FRMD5: variants seen among roughly 807,000 people sequenced by gnomAD.
The protein encoded by FRMD5 is FERM domain containing 5.
A neutral mutation model predicts 69.0 loss-of-function variants in FRMD5; 20 were observed. The ratio of observed to expected loss-of-function variants is 0.29; its 90% CI spans 0.20 to 0.42. The LOEUF (loss-of-function observed/expected upper bound fraction) is 0.42. FRMD5 is among the 10% of genes least tolerant of loss of function. The pLI, the probability that FRMD5 is intolerant of heterozygous loss-of-function variation, is 1.00. For synonymous variants in FRMD5, 271 were observed against 260.1 expected (o/e 1.04, Z -0.40); for missense variants, 595 against 708.6 (o/e 0.84, Z 1.82).
At chr15:44,039,268 G>T (rs867469282) in intron 1 of FRMD5, among the ~76,000 whole-genome samples, 2 of 152,226 alleles carry the variant, frequency 1.3e-5, no homozygotes, top group Non-Finnish European at 2.9e-5. Flanking sequence ...AAATGTCCTT[G>T]CCTGACAGCT....
At chr15:43,968,398 G>A (rs959576798) in intron 1 of FRMD5, among the ~76,000 whole-genome samples, 6 of 152,048 alleles carry the variant, frequency 3.9e-5, no homozygotes, top group Admixed American at 6.6e-5. Context: ...ATTCCTATTC[G>A]TACCAAGATG....
intron 7 of FRMD5, among the ~76,000 whole-genome samples, chr15:43,900,624 T>G (rs1283869774): frequency 6.6e-6 from 1 of 151,674 alleles, no homozygotes; most frequent in African/African-American, 2.4e-5. Flanking sequence ...TCCTGGTTTT[T>G]TTTTTTTTTT....
chr15:44,032,467 T>C (rs1436552399), intron 1 of FRMD5, among the ~76,000 whole-genome samples: 1 of 152,032 alleles, frequency 6.6e-6, no homozygotes, highest in Non-Finnish European at 1.5e-5. Flanking sequence ...CTGACAAAGG[T>C]GTAATATCCA....
At chr15:43,878,880 T>G (rs1157794476) in intron 13 of FRMD5, among the ~76,000 whole-genome samples, 7 of 151,398 alleles carry the variant, frequency 4.6e-5, no homozygotes, top group Non-Finnish European at 8.8e-5. Flanking sequence ...CTGTTGGTGC[T>G]CTCATTAAAC....
chr15:44,065,632 T>C (rs1174389048), intron 1 of FRMD5, among the ~76,000 whole-genome samples: 2 of 152,170 alleles, frequency 1.3e-5, no homozygotes, highest in East Asian at 1.9e-4. Flanking sequence ...TATATTGATT[T>C]TGGTCATGAT....
chr15:44,062,846 T>C (rs1008043619), intron 1 of FRMD5, among the ~76,000 whole-genome samples: 4 of 152,090 alleles, frequency 2.6e-5, no homozygotes, highest in Non-Finnish European at 2.9e-5. Flanking sequence ...ATAAGGAGTA[T>C]GATAAAGGTT....
chr15:44,168,863 C>T (rs921738449), intron 1 of FRMD5, among the ~76,000 whole-genome samples: 1 of 152,164 alleles, frequency 6.6e-6, no homozygotes, highest in Admixed American at 6.5e-5. Flanking sequence ...GGTGACTAAA[C>T]GCTATTTCAT....
chr15:44,189,903 G>T (rs2078165953), intron 1 of FRMD5, among the ~76,000 whole-genome samples: 2 of 152,112 alleles, frequency 1.3e-5, no homozygotes, highest in Admixed American at 6.5e-5. Flanking sequence ...CTGTCTTAGG[G>T]GAAACACCAT....
intron 1 of FRMD5, among the ~76,000 whole-genome samples, chr15:44,103,031 T>G (rs1333106609): frequency 6.6e-6 from 1 of 152,166 alleles, no homozygotes; most frequent in Non-Finnish European, 1.5e-5. Flanking sequence ...CCAAAAGTCA[T>G]GGTAGGGAGA....
At chr15:43,874,652 C>T (rs2088276744) in intron 13 of FRMD5, among the ~76,000 whole-genome samples, 190 bp from the exon 14 acceptor site, 1 of 152,192 alleles carries the variant, frequency 6.6e-6, no homozygotes, top group African/African-American at 2.4e-5. Flanking sequence ...GTCATCTCAG[C>T]ACTTTGGGAG....
At chr15:44,060,963 G>A (rs1893064593) in intron 1 of FRMD5, among the ~76,000 whole-genome samples, 2 of 152,262 alleles carry the variant, frequency 1.3e-5, no homozygotes, top group Middle Eastern at 3.4e-3. Context: ...ACAGTACTTA[G>A]ACATAATGTC....
At chr15:44,189,336 C>A (rs1595572969) in intron 1 of FRMD5, among the ~76,000 whole-genome samples, 1 of 152,130 alleles carries the variant, frequency 6.6e-6, no homozygotes, top group East Asian at 1.9e-4. Flanking sequence ...ACATGTTGAC[C>A]TTGGGAGGCA....
intron 7 of FRMD5, among the ~76,000 whole-genome samples, chr15:43,899,484 G>A (rs1031262674): frequency 2.6e-5 from 4 of 152,260 alleles, no homozygotes; most frequent in Middle Eastern, 3.4e-3. Context: ...CTACCGCTGA[G>A]GGCTTGTGAA....
intron 1 of FRMD5, among the ~76,000 whole-genome samples, chr15:43,947,409 A>G (rs1027432538): frequency 1.3e-5 from 2 of 152,240 alleles, no homozygotes; most frequent in African/African-American, 4.8e-5. Context: ...TGAGTTTGGC[A>G]AAAGTTGACA....
chr15:43,911,780 G>A (rs2140422803), intron 4 of FRMD5, among the ~76,000 whole-genome samples: 1 of 152,294 alleles, frequency 6.6e-6, no homozygotes, highest in East Asian at 1.9e-4. Flanking sequence ...GGTTTCCATT[G>A]TTTCTGTTTT....
intron 1 of FRMD5, among the ~76,000 whole-genome samples, chr15:44,092,413 A>G (rs1273854916): frequency 1.3e-5 from 2 of 152,198 alleles, no homozygotes; most frequent in African/African-American, 4.8e-5. Flanking sequence ...TCACGAAGTC[A>G]CAAATATTTC....
chr15:44,090,554 C>G (rs1384357698), intron 1 of FRMD5, among the ~76,000 whole-genome samples: 1 of 151,998 alleles, frequency 6.6e-6, no homozygotes. Flanking sequence ...ATTCTCCCAC[C>G]TCAGCCTTTC....
chr15:44,153,552 A>G (rs1480959585), intron 1 of FRMD5, among the ~76,000 whole-genome samples: 1 of 152,192 alleles, frequency 6.6e-6, no homozygotes, highest in Non-Finnish European at 1.5e-5. Flanking sequence ...GGGATAGGGA[A>G]ATGGGAAGTT....
At chr15:43,929,715 C>T (rs1261566542) in intron 1 of FRMD5, among the ~76,000 whole-genome samples, 2 of 152,164 alleles carry the variant, frequency 1.3e-5, no homozygotes, top group South Asian at 2.1e-4. Flanking sequence ...AACAGTTGAA[C>T]GAGTTGTCCT....
Sources: gnomAD v4.1 joint callset for allele counts (sites outside exome capture counted in the v4.1 genomes callset) on GRCh38, gnomAD v4.1.1 for gene constraint, MANE v1.5 for transcripts, NCBI Gene and HGNC (gene_info 2026-07-23, HGNC 2026-07-21) for gene names.